MYO5A: variants seen among roughly 807,000 people sequenced by gnomAD.
MYO5A encodes myosin VA, also known as unconventional myosin-Va.
In MYO5A, 98 loss-of-function variants were observed where a neutral mutation model predicts 249.7. The ratio of observed to expected loss-of-function variants is 0.39; its 90% CI spans 0.33 to 0.46. The LOEUF (loss-of-function observed/expected upper bound fraction) is 0.46, where lower values mean the gene tolerates loss of function less well. Among genes scored for constraint, MYO5A ranks in the 20% least tolerant of loss-of-function variants. The pLI is 0.98. For missense variants in MYO5A, 1,696 were observed against 2,308.8 expected (o/e 0.73, Z 5.44); for synonymous variants, 778 against 810.6 (o/e 0.96, Z 0.68).
At chr15:52,375,097 A>G (rs996572885) in intron 20 of MYO5A, among the ~76,000 whole-genome samples, 9 of 152,070 alleles carry the variant, frequency 5.9e-5, no homozygotes, top group African/African-American at 2.2e-4. Context: ...GTGTACTATG[A>G]CTGCACCACT....
chr15:52,376,225 G>C, intron 19 of MYO5A, 122 bp downstream of exon 19: 1 of 864,654 alleles, frequency 1.2e-6, no homozygotes, highest in East Asian at 2.6e-5. Flanking sequence ...GAGTTAATTT[G>C]TTGTCCCTTG....
At position 52,389,374 on chromosome 15, in the gene MYO5A, G is replaced by A; in HGVS notation, c.1543-11C>T. On this transcript the variant is annotated splice_polypyrimidine_tract_variant and intron_variant, in intron 12 of 41. Transcript: ENST00000399233. ...TGTGCCTTTAGGCATCTATATTCAT[G>A]GAAAAAAGGAAGAAAGAAAACAAGG... 1 of 1,605,998 alleles carries A rather than the reference G, an allele frequency of 6.2e-7. No homozygotes were observed. The highest frequency in any genetic ancestry group is 1.7e-5 in the Admixed American group (1 of 59,882).
chr15:52,491,159 T>G (rs887624908), intron 1 of MYO5A, among the ~76,000 whole-genome samples: 4 of 152,212 alleles, frequency 2.6e-5, no homozygotes, highest in Admixed American at 1.3e-4. Flanking sequence ...TAAATATTTA[T>G]TAAACGCCCA....
At chr15:52,322,292 G>A (rs1044720550) in intron 37 of MYO5A, among the ~76,000 whole-genome samples, 5 of 152,212 alleles carry the variant, frequency 3.3e-5, no homozygotes, top group East Asian at 1.9e-4. Flanking sequence ...ATCTTCTCAG[G>A]GACTAGGCCT....
At chr15:52,315,880 T>G (rs1278141964) in intron 40 of MYO5A, among the ~76,000 whole-genome samples, 2 of 152,028 alleles carry the variant, frequency 1.3e-5, no homozygotes, top group Non-Finnish European at 2.9e-5. Context: ...TCAAACTGAT[T>G]GAGTTTTAAT....
At chr15:52,419,785 A>C (rs995676132) in intron 4 of MYO5A, among the ~76,000 whole-genome samples, 1 of 152,236 alleles carries the variant, frequency 6.6e-6, no homozygotes, top group Non-Finnish European at 1.5e-5. Context: ...CCTATGCATT[A>C]TATAAAGATG....
At chr15:52,447,156 C>T (rs1434290449) in intron 1 of MYO5A, among the ~76,000 whole-genome samples, 1 of 152,156 alleles carries the variant, frequency 6.6e-6, no homozygotes, top group Non-Finnish European at 1.5e-5. Flanking sequence ...ATTATAATCC[C>T]TAATGCTGGA....
intron 1 of MYO5A, among the ~76,000 whole-genome samples, chr15:52,522,783 T>C (rs1724608): frequency 0.76 from 115,330 of 151,146 alleles, 44,942 homozygotes; most frequent in South Asian, 0.84. Flanking sequence ...CCCCTGAGGT[T>C]ACAGTTAAAT....
At chr15:52,348,560 G>A (rs1199369181) in intron 29 of MYO5A, among the ~76,000 whole-genome samples, 1 of 152,160 alleles carries the variant, frequency 6.6e-6, no homozygotes, top group East Asian at 1.9e-4. Flanking sequence ...CCAGAACTAC[G>A]GCAGTGAGTC....
chr15:52,342,153 T>A (rs2140993503), intron 31 of MYO5A, among the ~76,000 whole-genome samples: 1 of 152,162 alleles, frequency 6.6e-6, no homozygotes, highest in South Asian at 2.1e-4. Flanking sequence ...CCCAGGAGTT[T>A]GACACCAGCC....
chr15:52,321,948 GACCGATTTCTACAGAGACTAGTGAAT>G (rs2038344883), intron 37 of MYO5A, among the ~76,000 whole-genome samples: 1 of 152,020 alleles, frequency 6.6e-6, no homozygotes, highest in East Asian at 1.9e-4. Context: ...TCTTGAAATA[GACCGATTTCTACAGAGACTAGTGAAT>G]ACATACAAAA....
chr15:52,405,337 A>C lies in MYO5A; in HGVS notation c.1003T>G (p.Leu335Val). 6.2e-7 allele frequency: 1 copy of C among 1,614,054 alleles called. No homozygotes were observed. Among genetic ancestry groups the C allele is most frequent in the Non-Finnish European group, 8.5e-7 (1 of 1,179,908 alleles). ...IFRILAGILH[L>V]GNVGFTSRDA... Reference sequence around the variant, plus strand: ...CGGGATGTAAATCCAACATTGCCTAAGTGAAGGATGCCAGCAAGTATTCGG... The same window carrying C: ...CGGGATGTAAATCCAACATTGCCTACGTGAAGGATGCCAGCAAGTATTCGG... The change falls in exon 9 of 42, where the codon TTA becomes GTA. Residue 335 changes from leucine (L) to valine (V), a missense_variant. By Grantham distance (32) the Leu-to-Val change is conservative. Coordinates refer to ENST00000399233, the MANE Select transcript of MYO5A (RefSeq NM_001382347.1).
intron 3 of MYO5A, among the ~76,000 whole-genome samples, chr15:52,426,389 A>G (rs1157163147): frequency 2.6e-5 from 4 of 151,852 alleles, no homozygotes; most frequent in African/African-American, 9.7e-5. Flanking sequence ...AACAAAATAT[A>G]TAGGGCAAGG....
At chr15:52,397,052 C>T (rs998021923) in intron 10 of MYO5A, 149 bp downstream of exon 10, 22 of 922,178 alleles carry the variant, frequency 2.4e-5, no homozygotes, top group African/African-American at 3.3e-5. Flanking sequence ...GCAATTGCAT[C>T]ACCATCATCA....
chr15:52,323,199 C>T (rs1299969807), intron 37 of MYO5A, among the ~76,000 whole-genome samples, 156 bp downstream of exon 37: 1 of 152,226 alleles, frequency 6.6e-6, no homozygotes, highest in Non-Finnish European at 1.5e-5. Flanking sequence ...ATCACTGCTT[C>T]ATAGATAGTG....
intron 40 of MYO5A, 91 bp downstream of exon 40, chr15:52,316,957 A>G: frequency 7.3e-7 from 1 of 1,364,570 alleles, no homozygotes; most frequent in Non-Finnish European, 1.0e-6. Context: ...CAGCTCAGAG[A>G]TACAAGCAAT....
chr15:52,354,146 AT>A, intron 25 of MYO5A, 132 bp from the exon 26 acceptor site: 1 of 1,069,906 alleles, frequency 9.3e-7, no homozygotes, highest in Non-Finnish European at 1.3e-6. Context: ...TAGAGAATAT[AT>A]TTTTAAAATG....
At chr15:52,504,894 A>G (rs1412244805) in intron 1 of MYO5A, among the ~76,000 whole-genome samples, 1 of 152,074 alleles carries the variant, frequency 6.6e-6, no homozygotes, top group South Asian at 2.1e-4. Context: ...ATCTCAAAAA[A>G]AAAAAAGAAA....
chr15:52,490,002 C>A (rs1237042996), intron 1 of MYO5A, among the ~76,000 whole-genome samples: 1 of 152,148 alleles, frequency 6.6e-6, no homozygotes, highest in African/African-American at 2.4e-5. Flanking sequence ...AAATGCAAAT[C>A]AAGCCTACAA....
Sources: allele counts gnomAD v4.1 joint callset (sites outside exome capture counted in the v4.1 genomes callset), GRCh38; gene constraint gnomAD v4.1.1; transcripts MANE v1.5; gene names NCBI Gene and HGNC (gene_info 2026-07-23, HGNC 2026-07-21).